PCDHGA1: variants seen among roughly 807,000 people sequenced by gnomAD.
PCDHGA1 encodes the protein protocadherin gamma-A1.
A neutral mutation model predicts 58.0 loss-of-function variants in PCDHGA1; 32 were observed. That is an observed-to-expected ratio of 0.55 (90% CI 0.42 to 0.74). The LOEUF (loss-of-function observed/expected upper bound fraction) is 0.74, where lower values mean the gene tolerates loss of function less well. Ranked by LOEUF, PCDHGA1 falls within the 30% of genes least tolerant of loss-of-function variation. The pLI, the probability that PCDHGA1 is intolerant of heterozygous loss-of-function variation, is 0.00. For missense variants in PCDHGA1, 1,205 were observed against 1,182.3 expected (o/e 1.02, Z -0.28); for synonymous variants, 498 against 501.1 (o/e 0.99, Z 0.08).
At position 141,458,567 on chromosome 5, in the gene PCDHGA1, T is replaced by TTTTG. The variant is rs144471304; in HGVS notation, c.2422-36224_2422-36221dup. Among the ~76,000 whole-genome samples the TTTTG allele has an allele frequency of 8.6e-5, 13 of 151,610 alleles. No individual in the cohort carries two copies. The East Asian group carries it at 1.5e-3, about 18-fold the overall frequency. On this transcript the variant is annotated intron_variant, in intron 1 of 3. Coordinates refer to ENST00000517417, the MANE Select transcript of PCDHGA1 (RefSeq NM_018912.3). ...TTGTTTGTTTGTTTTGGTTTTGGGT[T>TTTTG]TTTGTTTGTTTGTTTGTTTTGGAGA...
rs1477359818 is a variant in PCDHGA1, at chr5:141,397,350, G to A, written c.2421+64245G>A. 3.9e-5 allele frequency among the ~76,000 whole-genome samples: 6 copies of A among 152,268 alleles called. No individual in the cohort carries two copies. In the East Asian group the frequency reaches 9.6e-4, roughly 24 times the overall value. On this transcript the variant is annotated intron_variant, in intron 1 of 3. Coordinates refer to ENST00000517417, the MANE Select transcript of PCDHGA1 (RefSeq NM_018912.3). ...TATTTTTATAAAGAATGTTAATATA[G>A]TCAGGAAGAGGAGATGTTTGGGGAT... is the stretch of plus-strand genomic sequence containing the variant.
In PCDHGA1 at chr5:141,394,083, G is replaced by A. The variant is rs146481056; in HGVS notation, c.2421+60978G>A. The A allele has an allele frequency of 3.1e-6, 5 of 1,613,826 alleles. No individual in the cohort carries two copies. The East Asian group carries it at 6.7e-5, about 22-fold the overall frequency. On this transcript the variant is annotated intron_variant, in intron 1 of 3. Transcript: ENST00000517417. ...CTCTATCTACAATATCACAGTGATG[G>A]CCTCAGATCTAGGAACACCACCTCT... is the stretch of plus-strand genomic sequence containing the variant.
chr5:141,384,852 G>A, intron 1 of PCDHGA1: 1 of 1,613,646 alleles, frequency 6.2e-7, no homozygotes, highest in Non-Finnish European at 8.5e-7. Context: ...ACCACGGTCA[G>A]CCTCCTCTGT....
At chr5:141,340,300 A>G (rs747630173) in intron 1 of PCDHGA1, 2 of 1,614,150 alleles carry the variant, frequency 1.2e-6, no homozygotes, top group Non-Finnish European at 1.7e-6. Context: ...TCCAGGTGGC[A>G]GACATCAACG....
chr5:141,371,543 A>T, intron 1 of PCDHGA1: 1 of 1,613,812 alleles, frequency 6.2e-7, no homozygotes, highest in Non-Finnish European at 8.5e-7. Context: ...GAGAAATCCT[A>T]TGCCAACTAA....
chr5:141,340,906 C>T (rs1756999816), intron 1 of PCDHGA1: 4 of 1,613,782 alleles, frequency 2.5e-6, no homozygotes, highest in African/African-American at 1.3e-5. Context: ...TCGTGGTGGC[C>T]ATCCAGGACC....
At chr5:141,442,049 C>A in intron 1 of PCDHGA1, 2 of 202,550 alleles carry the variant, frequency 9.9e-6, no homozygotes, top group South Asian at 1.3e-4. Flanking sequence ...GCCTACTGGT[C>A]GCGGTGCACT....
rs764987054 is a variant in PCDHGA1, at chr5:141,372,683, C to G, written c.2421+39578C>G. 9 of 1,613,826 alleles carry G rather than the reference C, an allele frequency of 5.6e-6. No homozygotes were observed. In the East Asian group the frequency reaches 1.8e-4, roughly 32 times the overall value. On this transcript the variant is annotated intron_variant, in intron 1 of 3. Transcript: ENST00000517417. ...GTGCTGCCTCACATTCCTCAAACACCGAGTTTAAATTTCTCAATATAAAGG... is the reference window on the plus strand; with the variant it reads ...GTGCTGCCTCACATTCCTCAAACACGGAGTTTAAATTTCTCAATATAAAGG...
chr5:141,361,862 A>G (rs529050420), intron 1 of PCDHGA1: 1 of 1,611,966 alleles, frequency 6.2e-7, no homozygotes, highest in East Asian at 2.2e-5. Context: ...GCCCTCTTCG[A>G]TATGGTGCCA....
At chr5:141,418,904 A>C (rs2096300166) in intron 1 of PCDHGA1, 1 of 1,613,998 alleles carries the variant, frequency 6.2e-7, no homozygotes, top group Admixed American at 1.7e-5. Context: ...AGAAATAATC[A>C]TCACGTCACT....
At chr5:141,351,667 A>G (rs758441794) in intron 1 of PCDHGA1, 4 of 1,613,910 alleles carry the variant, frequency 2.5e-6, no homozygotes, top group Admixed American at 3.3e-5. Context: ...CCATTGCACA[A>G]GTAAGCGCCT....
In PCDHGA1 at chr5:141,491,105, C is replaced by T; in HGVS notation, c.2422-3702C>T. ...ACAGCCCCAGGACTGTTCCTCGTGTCTACACACACTGGTGAGGTGCGCACA... is the reference window on the plus strand; with the variant it reads ...ACAGCCCCAGGACTGTTCCTCGTGTTTACACACACTGGTGAGGTGCGCACA... On this transcript the variant is annotated intron_variant, in intron 1 of 3. Transcript: ENST00000517417. This position sits in a 1 kb window ranked among gnomAD's most constrained non-coding sequence, Gnocchi z 6.9. 1 of 1,614,222 alleles carries T rather than the reference C, an allele frequency of 6.2e-7. No individual in the cohort carries two copies. Among genetic ancestry groups the T allele is most frequent in the Non-Finnish European group, 8.5e-7 (1 of 1,180,032 alleles).
intron 1 of PCDHGA1, chr5:141,419,094 G>A (rs1241481126): frequency 2.5e-6 from 4 of 1,613,776 alleles, no homozygotes; most frequent in South Asian, 1.1e-5. Flanking sequence ...GCCCTGGATC[G>A]GGAGCAGACC....
chr5:141,477,059 A>T lies in PCDHGA1; in HGVS notation c.2422-17748A>T. The T allele has an allele frequency of 6.2e-7, 1 of 1,614,238 alleles. No homozygotes were observed. Among genetic ancestry groups the T allele is most frequent in the Non-Finnish European group, 8.5e-7 (1 of 1,180,036 alleles). ...CAAGGGTCGGCTGGACTTCGAGGAC[A>T]CCAAACTCCATGAGATTTACATCCA... On this transcript the variant is annotated intron_variant, in intron 1 of 3. Transcript: ENST00000517417. The surrounding 1 kb of genome is among the most constrained non-coding windows in gnomAD (Gnocchi z 4.9).
chr5:141,340,955 G>A (rs754195555), intron 1 of PCDHGA1: 3 of 1,612,076 alleles, frequency 1.9e-6, no homozygotes, highest in African/African-American at 1.3e-5. Context: ...CACGCTCACC[G>A]TGGCCGTGGC....
At chr5:141,454,850 C>T (rs1208208678) in intron 1 of PCDHGA1, among the ~76,000 whole-genome samples, 3 of 132,848 alleles carry the variant, frequency 2.3e-5, no homozygotes, top group Non-Finnish European at 4.6e-5. Flanking sequence ...CTCTGTCACC[C>T]AGGCTGGAGT....
At chr5:141,365,871 T>C in intron 1 of PCDHGA1, 1 of 1,614,098 alleles carries the variant, frequency 6.2e-7, no homozygotes, top group Non-Finnish European at 8.5e-7. Context: ...ACCGGTGTCC[T>C]GTATGCTCTG....
In PCDHGA1 at chr5:141,356,852, T is replaced by A. The variant is rs1291274340; in HGVS notation, c.2421+23747T>A. ...AGCAGCAATGTGTCACTGAGCCTCT[T>A]TGTGCTGGACCAGAACGACAATGTC... On this transcript the variant is annotated intron_variant, in intron 1 of 3. Transcript: ENST00000517417. 1.9e-6 allele frequency: 3 copies of A among 1,614,178 alleles called. No individual in the cohort carries two copies. The South Asian group carries it at 3.3e-5, about 18-fold the overall frequency.
chr5:141,360,233 T>C lies in PCDHGA1; in HGVS notation c.2421+27128T>C, dbSNP rs770644210. ...TTCCCCGGGGCTCTCCCAGTCCAGA[T>C]CCGCTATTCAATTCCAGAGGAGCTG... On this transcript the variant is annotated intron_variant, in intron 1 of 3. Transcript: ENST00000517417. 1.9e-6 allele frequency: 3 copies of C among 1,613,862 alleles called. No individual in the cohort carries two copies. The highest frequency in any genetic ancestry group is 1.7e-5 in the Admixed American group (1 of 60,000).
Sources: gnomAD v4.1 joint callset for allele counts (sites outside exome capture counted in the v4.1 genomes callset) on GRCh38, gnomAD v4.1.1 for gene constraint, Gnocchi (gnomAD v3.1) non-coding constraint, MANE v1.5 for transcripts, NCBI Gene and HGNC (gene_info 2026-07-23, HGNC 2026-07-21) for gene names.